The following RUVBL1 variants were observed in gnomAD, a reference collection of about 807,000 sequenced individuals.
The protein encoded by RUVBL1 is ruvB-like 1.
RUVBL1 carries 4 observed loss-of-function variants against 52.4 expected under a neutral mutation model. That is an observed-to-expected ratio of 0.08 (90% CI 0.04 to 0.17). The LOEUF (loss-of-function observed/expected upper bound fraction) is 0.17, where lower values mean the gene tolerates loss of function less well. RUVBL1 is among the 10% of genes least tolerant of loss of function. The pLI is 1.00. For synonymous variants in RUVBL1, 217 were observed against 214.4 expected (o/e 1.01, Z -0.10); for missense variants, 298 against 572.8 (o/e 0.52, Z 4.90).
chr3:128,126,373 CCATCT>C (rs1943793171), upstream of RUVBL1, among the ~76,000 whole-genome samples: 1 of 152,128 alleles, frequency 6.6e-6, no homozygotes, highest in South Asian at 2.1e-4. Flanking sequence ...TGGCAAAACC[CCATCT>C]CTACTAAAAA....
chr3:128,101,295 T>A (rs1440723372), intron 5 of RUVBL1, among the ~76,000 whole-genome samples: 2 of 152,232 alleles, frequency 1.3e-5, no homozygotes, highest in Non-Finnish European at 2.9e-5. Context: ...TTTCTCACCC[T>A]GTCCTCCCCC....
In RUVBL1 at chr3:128,118,938, C is replaced by T. The variant is rs72986279; in HGVS notation, c.228+390G>A. Among the ~76,000 whole-genome samples, 132 of 152,264 alleles carry T rather than the reference C, an allele frequency of 8.7e-4. 1 individual carries two copies. Among genetic ancestry groups the T allele is most frequent in the African/African-American group, 3.1e-3 (128 of 41,558 alleles). ...TTCATCTCCCACACAGCCACAATAG[C>T]GATGCGTAAAGCTAGCATTTGGAAG... On this transcript the variant is annotated intron_variant, in intron 2 of 10. Transcript: ENST00000322623.
intron 9 of RUVBL1, among the ~76,000 whole-genome samples, chr3:128,069,220 T>C (rs931694773): frequency 6.6e-6 from 1 of 152,262 alleles, no homozygotes; most frequent in Non-Finnish European, 1.5e-5. Flanking sequence ...CATCCTTGTC[T>C]TCAAATCTCC....
At chr3:128,124,034 G>C (rs1316572520), upstream of RUVBL1, among the ~76,000 whole-genome samples, 6 of 152,280 alleles carry the variant, frequency 3.9e-5, no homozygotes, top group East Asian at 1.2e-3. Flanking sequence ...TTGATCTAGG[G>C]CTGGGGCGTT....
rs776008434 is a variant in RUVBL1 at position 128,123,575 on chromosome 3, T to C, written c.141+9A>G. 3.1e-6 allele frequency: 5 copies of C among 1,594,968 alleles called. No individual in the cohort carries two copies. Among genetic ancestry groups the C allele is most frequent in the South Asian group, 1.1e-5 (1 of 90,156 alleles). On this transcript the variant is annotated intron_variant, in intron 1 of 10. Coordinates refer to ENST00000322623, the MANE Select transcript of RUVBL1 (RefSeq NM_003707.3). The stretch of plus-strand genomic sequence containing the variant: ...TGCAGCCCCCAACTCCCTGGTCCAC[T>C]GGCCACACCTCTCGCGCGTTCTCCT...
In RUVBL1 at chr3:128,123,807, G is replaced by T; in HGVS notation, c.-83C>A. The T allele has an allele frequency of 6.8e-7, 1 of 1,475,256 alleles. No homozygotes were observed. Among genetic ancestry groups the T allele is most frequent in the Non-Finnish European group, 9.1e-7 (1 of 1,104,920 alleles). 91.4% of individuals were successfully genotyped at this position (1,475,256 alleles called of 1,614,324 possible). ...CCGGCGCCTGAGTTACCATGCGGCC[G>T]TTACTAGGGCAATTTGCAAAGGCCC... On this transcript the variant is annotated 5_prime_UTR_variant, in exon 1 of 11. Transcript: ENST00000322623.
rs538538555 is a variant in RUVBL1 at position 128,136,019 on chromosome 3, C to T, written c.-39-16605G>A. Among the ~76,000 whole-genome samples, 8 of 151,792 alleles carry T rather than the reference C, an allele frequency of 5.3e-5. No homozygotes were observed. The South Asian group carries it at 1.7e-3, about 32-fold the overall frequency. ...GTTTTCTCTTTGTTCTTTTTTTTGGCAATTAGTGTTAAGTTGTCATTAGTT... is the reference window on the plus strand; with the variant it reads ...GTTTTCTCTTTGTTCTTTTTTTTGGTAATTAGTGTTAAGTTGTCATTAGTT... On this transcript the variant is annotated intron_variant, in intron 1 of 9. Transcript: ENST00000464873.
intron 5 of RUVBL1, 70 bp from the exon 6 acceptor site, chr3:128,100,814 A>C (rs886112471): frequency 3.2e-6 from 5 of 1,576,404 alleles, no homozygotes; most frequent in Non-Finnish European, 4.3e-6. Context: ...CACAGGGCTA[A>C]GTGAGATAAA....
intron 9 of RUVBL1, 82 bp downstream of exon 9, chr3:128,087,624 C>T (rs1942689812): frequency 7.4e-6 from 8 of 1,085,954 alleles, no homozygotes; most frequent in South Asian, 7.3e-5. Flanking sequence ...AGATCCAAGC[C>T]GCAGATACCT....
At chr3:128,146,675 G>A (rs984429487) in intron 1 of RUVBL1, among the ~76,000 whole-genome samples, 12 of 149,972 alleles carry the variant, frequency 8.0e-5, no homozygotes, top group Admixed American at 5.3e-4. Context: ...ACATGTTTGC[G>A]TGTGCATCTG....
chr3:128,077,639 A>T (rs1469905618), downstream of RUVBL1, among the ~76,000 whole-genome samples: 1 of 152,184 alleles, frequency 6.6e-6, no homozygotes, highest in Non-Finnish European at 1.5e-5. Flanking sequence ...AGTGAGAAGC[A>T]GTGCGTTGTT....
At chr3:128,068,111 T>A in intron 9 of RUVBL1, 1 of 1,466,178 alleles carries the variant, frequency 6.8e-7, no homozygotes, top group Non-Finnish European at 9.6e-7. Context: ...ATGTGTTGTT[T>A]CTTTCCATGC....
chr3:128,152,713 G>C (rs1944243200), intron 1 of RUVBL1, among the ~76,000 whole-genome samples: 1 of 152,132 alleles, frequency 6.6e-6, no homozygotes, highest in Admixed American at 6.5e-5. Context: ...TTCAAGAATG[G>C]AGCCGCGGAC....
At chr3:128,112,813 T>G (rs564601651) in intron 3 of RUVBL1, 75 bp downstream of exon 3, 6 of 1,525,784 alleles carry the variant, frequency 3.9e-6, no homozygotes, top group Non-Finnish European at 5.3e-6. Context: ...AAAGGCATCT[T>G]CACCACAAAG....
At chr3:128,100,538 C>A in intron 6 of RUVBL1, 57 bp downstream of exon 6, 1 of 1,529,054 alleles carries the variant, frequency 6.5e-7, no homozygotes, top group South Asian at 1.3e-5. Flanking sequence ...ATTCCCAGAT[C>A]TCCACACACA....
In RUVBL1 at chr3:128,153,435, C is replaced by T. The variant is rs530127468; in HGVS notation, c.-272G>A. 30 of 1,422,938 alleles carry T rather than the reference C, an allele frequency of 2.1e-5. No homozygotes were observed. In the East Asian group the frequency reaches 7.9e-4, roughly 37 times the overall value. The allele number at this position is 1,422,938 out of a possible 1,614,324, so 88.1% of individuals were successfully genotyped here. ...CGCCGGTTACGGGGGGGCAACTTAACGGGCCGGACCGCGGCGACTACCGAG... is the reference window on the plus strand; with the variant it reads ...CGCCGGTTACGGGGGGGCAACTTAATGGGCCGGACCGCGGCGACTACCGAG... On this transcript the variant is annotated 5_prime_UTR_variant, in exon 1 of 10. Transcript: ENST00000464873.
chr3:128,102,069 C>T (rs2107692157), intron 4 of RUVBL1, among the ~76,000 whole-genome samples: 1 of 152,214 alleles, frequency 6.6e-6, no homozygotes, highest in East Asian at 1.9e-4. Context: ...AATCATCATC[C>T]CTACTTCACT....
rs890693096 is a variant in RUVBL1, at chr3:128,081,639, C to T, written c.1212-230G>A. ...CCACCAAGAAGACATAAGTGCTATT[C>T]CCCAAATCTTTAGTACAGTCTACAA... On this transcript the variant is annotated intron_variant, in intron 10 of 10. Transcript: ENST00000322623. The surrounding 1 kb of genome is among the most constrained non-coding windows in gnomAD (Gnocchi z 4.8). 1 of 520,472 alleles carries T rather than the reference C, an allele frequency of 1.9e-6. No homozygotes were observed. The highest frequency in any genetic ancestry group is 3.4e-6 in the Non-Finnish European group (1 of 292,426). The allele number at this position is 520,472 out of a possible 1,614,324, so 32.2% of individuals were successfully genotyped here.
At chr3:128,072,838 C>T (rs534217541) in intron 9 of RUVBL1, among the ~76,000 whole-genome samples, 91 of 152,312 alleles carry the variant, frequency 6.0e-4, no homozygotes, top group Non-Finnish European at 1.0e-3. Flanking sequence ...CCAGCAGCCA[C>T]GCACGCTTCA....
Sources: gnomAD v4.1 joint callset for allele counts (sites outside exome capture counted in the v4.1 genomes callset) on GRCh38, gnomAD v4.1.1 for gene constraint, Gnocchi (gnomAD v3.1) non-coding constraint, MANE v1.5 for transcripts, NCBI Gene and HGNC (gene_info 2026-07-23, HGNC 2026-07-21) for gene names.